The following ADAM19 variants were observed in gnomAD, a reference collection of about 807,000 sequenced individuals.
ADAM19 encodes the protein disintegrin and metalloproteinase domain-containing protein 19.
In ADAM19, 65 loss-of-function variants were observed where a neutral mutation model predicts 114.7. That is an observed-to-expected ratio of 0.57 (90% CI 0.46 to 0.70). The LOEUF (loss-of-function observed/expected upper bound fraction) is 0.70, where lower values mean the gene tolerates loss of function less well. ADAM19 is among the 30% of genes least tolerant of loss of function. ADAM19 has a pLI of 0.00. For synonymous variants in ADAM19, 466 were observed against 460.5 expected, an observed-to-expected ratio of 1.01 and a Z score of -0.15; for missense variants, 1,063 against 1,204.7, an observed-to-expected ratio of 0.88 and a Z score of 1.74.
chr5:157,480,660 T>G lies in ADAM19; in HGVS notation c.*289A>C. 1.6e-6 allele frequency: 2 copies of G among 1,223,224 alleles called. No individual in the cohort carries two copies. Among genetic ancestry groups the G allele is most frequent in the African/African-American group, 1.6e-5 (1 of 64,308 alleles). The allele number at this position is 1,223,224 out of a possible 1,614,324, so 75.8% of individuals were successfully genotyped here. On this transcript the variant is annotated 3_prime_UTR_variant, in exon 23 of 23. Coordinates refer to ENST00000257527, the MANE Select transcript of ADAM19 (RefSeq NM_033274.5). Reference sequence around the variant, plus strand: ...TCCATCAGCACCTCGGGGCTAGGAGTCTGGAGGAGAAGCTGCCAGTCACCC... The same window carrying G: ...TCCATCAGCACCTCGGGGCTAGGAGGCTGGAGGAGAAGCTGCCAGTCACCC...
chr5:157,506,524 T>C (rs999008096), intron 10 of ADAM19, among the ~76,000 whole-genome samples: 3 of 152,208 alleles, frequency 2.0e-5, no homozygotes, highest in Non-Finnish European at 4.4e-5. Flanking sequence ...TATGCTACTT[T>C]GTCGATAAAT....
intron 12 of ADAM19, 109 bp from the exon 13 acceptor site, chr5:157,499,771 C>CT: frequency 9.2e-6 from 5 of 541,750 alleles, no homozygotes; most frequent in East Asian, 3.5e-5. Context: ...TAGCAACTAT[C>CT]TCTTTTTTTT....
intron 12 of ADAM19, among the ~76,000 whole-genome samples, chr5:157,502,588 C>T (rs750337113): frequency 2.6e-5 from 4 of 152,236 alleles, no homozygotes; most frequent in Non-Finnish European, 1.5e-5. Flanking sequence ...AAGAACTGAT[C>T]CTGGACACTA....
intron 22 of ADAM19, 31 bp downstream of exon 22, chr5:157,481,760 C>A (rs1303519691): frequency 6.4e-7 from 1 of 1,557,904 alleles, no homozygotes; most frequent in East Asian, 2.4e-5. Context: ...CTGGTACCAG[C>A]TTTCACCTTG....
chr5:157,503,648 G>A (rs1755640993), intron 11 of ADAM19, among the ~76,000 whole-genome samples: 1 of 152,236 alleles, frequency 6.6e-6, no homozygotes, highest in African/African-American at 2.4e-5. Context: ...AGGGTTGTGA[G>A]TGTGTTACAA....
At chr5:157,574,603 A>G (rs957599825) in intron 1 of ADAM19, among the ~76,000 whole-genome samples, 5 of 152,266 alleles carry the variant, frequency 3.3e-5, no homozygotes, top group Admixed American at 6.5e-5. Context: ...TGGTCCCCCA[A>G]GCAGCAGTCT....
intron 1 of ADAM19, among the ~76,000 whole-genome samples, chr5:157,572,440 G>A (rs934456698): frequency 1.3e-5 from 2 of 152,080 alleles, no homozygotes; most frequent in Non-Finnish European, 2.9e-5. Context: ...ATGGGGCTGA[G>A]GACTCCAAAA....
chr5:157,494,644 C>T, intron 15 of ADAM19, 43 bp downstream of exon 15: 1 of 1,560,196 alleles, frequency 6.4e-7, no homozygotes, highest in Non-Finnish European at 8.8e-7. Context: ...GCAGAAACTG[C>T]TTGTTCATCC....
Position 157,509,285 on chromosome 5 carries a change from GA to G in ADAM19, c.905+15del. 5.0e-6 allele frequency: 8 copies of G among 1,599,684 alleles called. No homozygotes were observed. Among genetic ancestry groups the G allele is most frequent in the East Asian group, 2.2e-5 (1 of 44,486 alleles). On this transcript the variant is annotated intron_variant, in intron 9 of 22. Transcript: ENST00000257527. ...GCAGCCAAGGACAACACAACATATG[GA>G]AAAAGGCTATTTACGTGATTAATTG...
intron 3 of ADAM19, among the ~76,000 whole-genome samples, chr5:157,540,774 C>G (rs1756895489): frequency 6.6e-6 from 1 of 152,170 alleles, no homozygotes; most frequent in African/African-American, 2.4e-5. Context: ...CCTGAGACTA[C>G]CCACTCCATT....
At chr5:157,483,637 A>ATTT (rs11376520) in intron 21 of ADAM19, among the ~76,000 whole-genome samples, 22 of 144,940 alleles carry the variant, frequency 1.5e-4, no homozygotes, top group Non-Finnish European at 2.1e-4. Context: ...TGAACATTCC[A>ATTT]TTTTTTTTTT....
At chr5:157,521,910 T>C (rs750612393) in intron 5 of ADAM19, among the ~76,000 whole-genome samples, 3 of 152,198 alleles carry the variant, frequency 2.0e-5, no homozygotes, top group African/African-American at 4.8e-5. Context: ...CAGCTGATGG[T>C]TCTGTGTGCA....
intron 19 of ADAM19, 124 bp downstream of exon 19, chr5:157,490,186 T>C: frequency 9.6e-7 from 1 of 1,036,848 alleles, no homozygotes; most frequent in Non-Finnish European, 1.5e-6. Context: ...GAGGGCAGCA[T>C]GTATCTTGCA....
chr5:157,564,230 G>C, intron 3 of ADAM19, 143 bp downstream of exon 3: 2 of 715,566 alleles, frequency 2.8e-6, no homozygotes, highest in South Asian at 3.3e-5. Context: ...CTCTGGCTTT[G>C]CAAGATGCTG....
chr5:157,567,552 C>T (rs929020898), intron 2 of ADAM19, among the ~76,000 whole-genome samples: 2 of 152,186 alleles, frequency 1.3e-5, no homozygotes, highest in Non-Finnish European at 2.9e-5. Context: ...AATCCCAACA[C>T]TTTGGGAGGC....
intron 3 of ADAM19, among the ~76,000 whole-genome samples, chr5:157,555,514 G>T (rs1757342870): frequency 6.6e-6 from 1 of 152,020 alleles, no homozygotes; most frequent in Non-Finnish European, 1.5e-5. Context: ...AAGCTGCAAG[G>T]GCCACATGTC....
In ADAM19 at chr5:157,495,933, C is replaced by CTTT. The variant is rs57078206; in HGVS notation, c.1594+958_1594+960dup. 3.8e-3 allele frequency among the ~76,000 whole-genome samples: 292 copies of CTTT among 75,920 alleles called. 32 individuals are homozygous for CTTT. The highest frequency in any genetic ancestry group is 0.011 in the African/African-American group (203 of 19,328). 49.8% of individuals were successfully genotyped at this position (75,920 alleles called of 152,430 possible). ...ACAGGCGTGAGCCACTGTGCCCAGT[C>CTTT]TTTTTTTTTTTTTTTTTTTTTTTTT... On this transcript the variant is annotated intron_variant, in intron 14 of 22. Transcript: ENST00000257527.
At chr5:157,493,352 C>T (rs1428640575) in intron 15 of ADAM19, among the ~76,000 whole-genome samples, 175 bp from the exon 16 acceptor site, 5 of 152,172 alleles carry the variant, frequency 3.3e-5, no homozygotes, top group African/African-American at 1.2e-4. Flanking sequence ...TGTGGACTGA[C>T]ACCAAGGGAA....
chr5:157,538,377 T>C (rs1332113956), intron 3 of ADAM19, among the ~76,000 whole-genome samples: 2 of 152,340 alleles, frequency 1.3e-5, no homozygotes, highest in South Asian at 4.1e-4. Context: ...TACCAATTTT[T>C]AGTATCAGCA....
Sources: allele counts gnomAD v4.1 joint callset (sites outside exome capture counted in the v4.1 genomes callset), GRCh38; gene constraint gnomAD v4.1.1; transcripts MANE v1.5; gene names NCBI Gene and HGNC (gene_info 2026-07-23, HGNC 2026-07-21).